The following TMPRSS9 variants were observed in gnomAD, a reference collection of about 807,000 sequenced individuals.
TMPRSS9 encodes the protein transmembrane protease serine 9.
TMPRSS9 carries 113 observed loss-of-function variants against 111.4 expected under a neutral mutation model. That is an observed-to-expected ratio of 1.01 (90% CI 0.87 to 1.19). TMPRSS9 has a LOEUF of 1.19. Among genes scored for constraint, TMPRSS9 ranks in the 50% most tolerant of loss-of-function variants. TMPRSS9 has a pLI of 0.00. For missense variants in TMPRSS9, 1,803 were observed against 1,513.1 expected (o/e 1.19, Z -3.18); for synonymous variants, 805 against 659.1 (o/e 1.22, Z -3.39).
At chr19:2,360,289 G>A (rs1397376549) in exon 1 of TMPRSS9, among the ~76,000 whole-genome samples, 2 of 152,168 alleles carry the variant, frequency 1.3e-5, no homozygotes, top group Non-Finnish European at 2.9e-5. Flanking sequence ...CTCGTCGTCC[G>A]GAGCGCGGTG....
intron 4 of TMPRSS9, among the ~76,000 whole-genome samples, chr19:2,401,728 C>T (rs1475693758): frequency 6.6e-6 from 1 of 151,790 alleles, no homozygotes; most frequent in Non-Finnish European, 1.5e-5. Context: ...CTGCCTCAGC[C>T]TCCCGAGTAG....
chr19:2,408,462 C>T, exon 8 of TMPRSS9: 3 of 1,613,976 alleles, frequency 1.9e-6, no homozygotes, highest in East Asian at 2.2e-5. Context: ...CAAGCACCCC[C>T]TGTACAACGC....
intron 4 of TMPRSS9, among the ~76,000 whole-genome samples, chr19:2,401,131 G>A (rs889136038): frequency 4.1e-4 from 63 of 152,066 alleles, no homozygotes; most frequent in Non-Finnish European, 7.1e-4. Flanking sequence ...AAAATCAGCC[G>A]GGCGTGGTGG....
chr19:2,395,234 A>G (rs1215645891), intron 1 of TMPRSS9, among the ~76,000 whole-genome samples: 2 of 152,168 alleles, frequency 1.3e-5, no homozygotes, highest in Non-Finnish European at 2.9e-5. Flanking sequence ...CCTGGCCAAC[A>G]TGGTGAAATC....
At chr19:2,373,814 T>C (rs1970309388) in intron 1 of TMPRSS9, among the ~76,000 whole-genome samples, 1 of 152,246 alleles carries the variant, frequency 6.6e-6, no homozygotes, top group Admixed American at 6.5e-5. Flanking sequence ...TTTGCTTTCT[T>C]TGCCGTACAC....
chr19:2,397,327 G>C (rs1251866020), intron 2 of TMPRSS9, among the ~76,000 whole-genome samples: 1 of 151,936 alleles, frequency 6.6e-6, no homozygotes, highest in Non-Finnish European at 1.5e-5. Context: ...GTCTTGCTCT[G>C]TTGTCCAGGC....
At chr19:2,417,910 G>A (rs1971287713) in intron 12 of TMPRSS9, 92 bp from the exon 14 acceptor site, 2 of 1,512,806 alleles carry the variant, frequency 1.3e-6, no homozygotes, top group East Asian at 4.5e-5. Flanking sequence ...TGTGGGGTGG[G>A]GATGCTGCAT....
At chr19:2,386,660 A>G (rs1366517840), upstream of TMPRSS9, among the ~76,000 whole-genome samples, 3 of 152,114 alleles carry the variant, frequency 2.0e-5, no homozygotes, top group South Asian at 2.1e-4. Context: ...ACAATGGGAG[A>G]GTGAAGGGAC....
chr19:2,421,797 G>A, intron 13 of TMPRSS9, 57 bp from the exon 15 acceptor site: 2 of 1,526,524 alleles, frequency 1.3e-6, no homozygotes, highest in Non-Finnish European at 1.8e-6. Context: ...GGGTATGGCA[G>A]TGCTGGGAAG....
chr19:2,395,517 G>A (rs1418633503), intron 1 of TMPRSS9, among the ~76,000 whole-genome samples: 6 of 149,902 alleles, frequency 4.0e-5, no homozygotes, highest in African/African-American at 7.4e-5. Context: ...ATCTGAGGTC[G>A]GGAGTTTGAG....
At chr19:2,383,131 A>G (rs10412378) in intron 1 of TMPRSS9, among the ~76,000 whole-genome samples, 59,184 of 151,918 alleles carry the variant, frequency 0.39, 11,976 homozygotes, top group East Asian at 0.6. Context: ...AGGCAGGTGG[A>G]TCACCTGAGA....
At chr19:2,379,431 C>T (rs781267214) in intron 1 of TMPRSS9, among the ~76,000 whole-genome samples, 10 of 151,788 alleles carry the variant, frequency 6.6e-5, no homozygotes, top group Non-Finnish European at 1.3e-4. Flanking sequence ...GTGTTCTGCC[C>T]GCCTCGGCCT....
chr19:2,424,878 C>T (rs1971569156), intron 15 of TMPRSS9, 124 bp from the exon 17 acceptor site: 2 of 1,235,632 alleles, frequency 1.6e-6, no homozygotes, highest in Non-Finnish European at 1.0e-6. Context: ...CCCAGACCGA[C>T]AGCCAGAGAC....
chr19:2,371,351 G>A (rs1458343575), intron 1 of TMPRSS9, among the ~76,000 whole-genome samples: 6 of 152,198 alleles, frequency 3.9e-5, no homozygotes, highest in Admixed American at 2.0e-4. Flanking sequence ...AGATGAAGAC[G>A]GAAGTCGGTA....
intron 15 of TMPRSS9, 140 bp from the exon 17 acceptor site, chr19:2,424,862 C>A: frequency 9.1e-7 from 1 of 1,099,838 alleles, no homozygotes; most frequent in Non-Finnish European, 1.2e-6. Context: ...GGAGACTGAG[C>A]CCATTCCCAG....
chr19:2,392,756 T>C (rs375062955), intron 1 of TMPRSS9, among the ~76,000 whole-genome samples: 3 of 152,162 alleles, frequency 2.0e-5, no homozygotes, highest in Non-Finnish European at 4.4e-5. Context: ...GCTCAAGGTT[T>C]ATAAACACAC....
intron 10 of TMPRSS9, among the ~76,000 whole-genome samples, chr19:2,414,971 G>C: frequency 7.2e-6 from 1 of 138,194 alleles, no homozygotes. Flanking sequence ...CTGAGACGGA[G>C]TTTCACTCTT....
intron 1 of TMPRSS9, among the ~76,000 whole-genome samples, chr19:2,394,561 C>T (rs968041417): frequency 6.7e-6 from 1 of 150,024 alleles, no homozygotes; most frequent in Non-Finnish European, 1.5e-5. Context: ...GACACAGAGG[C>T]GGGGCAATTC....
rs199839289 is a variant in TMPRSS9, at chr19:2,410,277, G to T, written c.1137G>T (p.Leu379=). The T allele has an allele frequency of 5.6e-6, 9 of 1,613,940 alleles. No individual in the cohort carries two copies. The East Asian group carries it at 1.6e-4, about 28-fold the overall frequency. The change falls in exon 9 of 18, where the codon CTG becomes CTT. Residue 379 remains leucine, a synonymous_variant. Transcript: ENST00000648592. ...GGCCAGTGGTCAAGCCAGAGGTGCT[G>T]CAGAAAGCCACTGTGGAGCTGCTGG...
Sources: gnomAD v4.1 joint callset for allele counts (sites outside exome capture counted in the v4.1 genomes callset) on GRCh38, gnomAD v4.1.1 for gene constraint, MANE v1.5 for transcripts, NCBI Gene and HGNC (gene_info 2026-07-23, HGNC 2026-07-21) for gene names.